CCDC171: variants seen among roughly 807,000 people sequenced by gnomAD.
The protein encoded by CCDC171 is coiled-coil domain containing 171.
A neutral mutation model predicts 168.2 loss-of-function variants in CCDC171; 177 were observed. That is an observed-to-expected ratio of 1.05 (90% CI 0.93 to 1.19). The LOEUF is 1.19. CCDC171 is among the 50% of genes most tolerant of loss of function. CCDC171 has a pLI of 0.00. For missense variants in CCDC171, 1,991 were observed against 1,539.0 expected, an observed-to-expected ratio of 1.29 and a Z score of -4.91; for synonymous variants, 687 against 540.8, an observed-to-expected ratio of 1.27 and a Z score of -3.75.
At chr9:15,589,206 G>A (rs1399893415) in intron 4 of CCDC171, among the ~76,000 whole-genome samples, 1 of 152,106 alleles carries the variant, frequency 6.6e-6, no homozygotes, top group South Asian at 2.1e-4. Flanking sequence ...AGCCACCTTG[G>A]CACAAACACC....
intron 21 of CCDC171, among the ~76,000 whole-genome samples, chr9:15,787,074 G>T (rs2058003307): frequency 6.6e-6 from 1 of 152,004 alleles, no homozygotes; most frequent in Non-Finnish European, 1.5e-5. Context: ...TTTCCTGGCT[G>T]GTTGAATTCT....
intron 5 of CCDC171, among the ~76,000 whole-genome samples, chr9:15,592,121 A>G (rs118155859): frequency 0.015 from 2,263 of 151,674 alleles, 30 homozygotes; most frequent in Admixed American, 0.034. Context: ...TGAGTTGTCT[A>G]TATTTGCCAT....
intron 24 of CCDC171, among the ~76,000 whole-genome samples, chr9:15,880,121 G>T (rs1239289346): frequency 6.6e-6 from 1 of 152,140 alleles, no homozygotes; most frequent in Admixed American, 6.5e-5. Context: ...CCTTGGTGAA[G>T]TAAAGAGGAT....
chr9:15,665,327 C>G (rs2048655749), intron 8 of CCDC171, among the ~76,000 whole-genome samples: 1 of 152,048 alleles, frequency 6.6e-6, no homozygotes, highest in African/African-American at 2.4e-5. Flanking sequence ...TAACGATAAC[C>G]ATAAATATTT....
In CCDC171 at chr9:15,960,565, G is replaced by C. The variant is rs560917315; in HGVS notation, c.3754-11044G>C. ...TTTGCTATATTTTACTGTTACATAA[G>C]ATGTTCTCCCTAGGGATGGATCTGG... On this transcript the variant is annotated intron_variant, in intron 25 of 25. Coordinates refer to ENST00000380701, the MANE Select transcript of CCDC171 (RefSeq NM_173550.4). 2.6e-5 allele frequency among the ~76,000 whole-genome samples: 4 copies of C among 152,254 alleles called. No homozygotes were observed. In the East Asian group the frequency reaches 7.7e-4, roughly 29 times the overall value.
intron 23 of CCDC171, among the ~76,000 whole-genome samples, chr9:15,873,195 T>C (rs953400500): frequency 1.3e-5 from 2 of 152,072 alleles, no homozygotes; most frequent in African/African-American, 4.8e-5. Flanking sequence ...TATGTTTGTG[T>C]GTGTTTGCTG....
At chr9:15,602,632 C>CTT (rs1050799184) in intron 6 of CCDC171, among the ~76,000 whole-genome samples, 21 of 30,986 alleles carry the variant, frequency 6.8e-4, no homozygotes, top group South Asian at 1.3e-3. Flanking sequence ...TTTCTCATTT[C>CTT]TTTTTTTTTT....
At chr9:15,707,728 G>A (rs924124366) in intron 11 of CCDC171, among the ~76,000 whole-genome samples, 2 of 151,980 alleles carry the variant, frequency 1.3e-5, no homozygotes, top group East Asian at 1.9e-4. Context: ...TTTAAATGAC[G>A]GAACTGAAAC....
downstream of CCDC171, among the ~76,000 whole-genome samples, chr9:16,064,667 C>T (rs1308399908): frequency 5.3e-5 from 8 of 152,160 alleles, no homozygotes; most frequent in Non-Finnish European, 8.8e-5. Flanking sequence ...AAAGAATTTC[C>T]TGGGGCGCTA....
chr9:15,953,440 G>A (rs2132511320), intron 25 of CCDC171, among the ~76,000 whole-genome samples: 1 of 152,272 alleles, frequency 6.6e-6, no homozygotes, highest in Middle Eastern at 3.4e-3. Context: ...AGATGATCAT[G>A]TGATTTTTAG....
At chr9:15,677,185 G>T (rs533835405) in intron 9 of CCDC171, among the ~76,000 whole-genome samples, 1 of 152,136 alleles carries the variant, frequency 6.6e-6, no homozygotes, top group South Asian at 2.1e-4. Flanking sequence ...TCCTTTATAT[G>T]TTGGGACTCC....
At chr9:16,066,730 C>T in the CCDC171 span, among the ~76,000 whole-genome samples, 17,761 of 148,540 alleles carry the variant, frequency 0.12, 1,091 homozygotes, top group Middle Eastern at 0.13. Context: ...TTTGTTCTTG[C>T]GATAGTTTAC....
At chr9:15,811,944 G>A (rs2059374361) in intron 21 of CCDC171, among the ~76,000 whole-genome samples, 1 of 152,196 alleles carries the variant, frequency 6.6e-6, no homozygotes, top group African/African-American at 2.4e-5. Flanking sequence ...ATGTTAAGTT[G>A]TGGGAAAACA....
intron 4 of CCDC171, among the ~76,000 whole-genome samples, chr9:15,583,902 C>G (rs911924221): frequency 6.6e-6 from 1 of 152,172 alleles, no homozygotes; most frequent in Admixed American, 6.5e-5. Context: ...GAGTCTCCCT[C>G]TTTCGCCCAG....
intron 7 of CCDC171, among the ~76,000 whole-genome samples, chr9:15,624,882 C>T (rs1355065378): frequency 2.0e-5 from 3 of 152,150 alleles, no homozygotes; most frequent in East Asian, 1.9e-4. Flanking sequence ...CTTGAAGAAT[C>T]GCCTCACTGT....
At chr9:15,728,960 A>G (rs887498862) in intron 15 of CCDC171, among the ~76,000 whole-genome samples, 4 of 152,184 alleles carry the variant, frequency 2.6e-5, no homozygotes, top group Non-Finnish European at 5.9e-5. Flanking sequence ...ACACAACCAT[A>G]GACACTGAGA....
chr9:15,884,156 T>C (rs1819071963), intron 24 of CCDC171, among the ~76,000 whole-genome samples: 1 of 152,178 alleles, frequency 6.6e-6, no homozygotes, highest in Non-Finnish European at 1.5e-5. Flanking sequence ...AGTTCTATCC[T>C]AGAATCACTA....
chr9:15,978,339 C>T (rs766313372), downstream of CCDC171, among the ~76,000 whole-genome samples: 27 of 151,824 alleles, frequency 1.8e-4, no homozygotes, highest in Non-Finnish European at 3.7e-4. Flanking sequence ...CGAATGGTGG[C>T]GGTGTTCTTA....
In CCDC171 at chr9:15,666,169, A is replaced by G. The variant is rs750961495; in HGVS notation, c.922A>G (p.Ile308Val). 1 of 1,613,506 alleles carries G rather than the reference A, an allele frequency of 6.2e-7. No individual in the cohort carries two copies. The highest frequency in any genetic ancestry group is 1.7e-5 in the Admixed American group (1 of 59,852). ...CTTGTCTGTCGTCCGGTAGTTACGG[A>G]TTCGAGACCTTGAAGGAGCTTTGCA... ...KFNSEIIQLR[I>V]RDLEGALQVE... is the part of the protein sequence containing the mutation. The change falls in exon 9 of 26, where the codon ATT becomes GTT. Residue 308 changes from isoleucine to valine, a missense_variant. Ile to Val is a conservative substitution (Grantham distance 29, BLOSUM62 3). Transcript: ENST00000380701.
Sources: gnomAD v4.1 joint callset for allele counts (sites outside exome capture counted in the v4.1 genomes callset) on GRCh38, gnomAD v4.1.1 for gene constraint, MANE v1.5 for transcripts, NCBI Gene and HGNC (gene_info 2026-07-23, HGNC 2026-07-21) for gene names.